UBE2K: variants seen among roughly 807,000 people sequenced by gnomAD.
The protein encoded by UBE2K is ubiquitin conjugating enzyme E2 K.
A neutral mutation model predicts 30.0 loss-of-function variants in UBE2K; 6 were observed. The ratio of observed to expected loss-of-function variants is 0.20; its 90% CI spans 0.11 to 0.39. The LOEUF is 0.39. Ranked by LOEUF, UBE2K falls within the 10% of genes least tolerant of loss-of-function variation. UBE2K has a pLI of 1.00. For synonymous variants in UBE2K, 86 were observed against 83.7 expected (o/e 1.03, Z -0.15); for missense variants, 61 against 241.6 (o/e 0.25, Z 4.96).
At chr4:39,710,476 C>A (rs187756975) in intron 1 of UBE2K, among the ~76,000 whole-genome samples, 2 of 151,848 alleles carry the variant, frequency 1.3e-5, no homozygotes, top group Non-Finnish European at 2.9e-5. Flanking sequence ...ACTATATTGC[C>A]CAAGCTGGTG....
intron 6 of UBE2K, among the ~76,000 whole-genome samples, chr4:39,778,092 T>C: frequency 1.3e-5 from 1 of 79,786 alleles, no homozygotes. Flanking sequence ...AGCAAGACCC[T>C]GTCTCAAAAA....
chr4:39,711,163 C>CTT lies in UBE2K; in HGVS notation c.63+12789_63+12790dup, dbSNP rs34401637. 1.9e-3 allele frequency among the ~76,000 whole-genome samples: 226 copies of CTT among 122,086 alleles called. 5 individuals carry two copies. Among genetic ancestry groups the CTT allele is most frequent in the African/African-American group, 5.1e-3 (161 of 31,812 alleles). The allele number at this position is 122,086 out of a possible 152,430, so 80.1% of individuals were successfully genotyped here. A position where few individuals can be genotyped will look rare whatever the true frequency, so the allele number is the denominator to read the frequency against. The stretch of plus-strand genomic sequence containing the variant: ...TGTATGTCTCTTGGAAACTTTTTCT[C>CTT]TTTTTTTTTTTTTTTTTGAGACGGA... On this transcript the variant is annotated intron_variant, in intron 1 of 6. Transcript: ENST00000261427.
chr4:39,752,850 A>G (rs1326950923), intron 3 of UBE2K, among the ~76,000 whole-genome samples: 2 of 151,832 alleles, frequency 1.3e-5, no homozygotes, highest in African/African-American at 2.4e-5. Context: ...AGATTTTCAG[A>G]TAAGAAATAC....
chr4:39,716,354 C>A (rs431419), intron 1 of UBE2K, among the ~76,000 whole-genome samples: 1 of 152,002 alleles, frequency 6.6e-6, no homozygotes, highest in African/African-American at 2.4e-5. Context: ...CTTAAGTGAT[C>A]CTCCCACCAC....
chr4:39,770,701 G>A (rs536774536), intron 4 of UBE2K: 1 of 1,572,924 alleles, frequency 6.4e-7, no homozygotes, highest in African/African-American at 1.3e-5. Context: ...ACGCTGCTCT[G>A]GGCCAGCTCC....
At position 39,780,020 on chromosome 4, in the gene UBE2K, G is replaced by C. The variant is rs1279422423; in HGVS notation, c.*1586G>C. ...TATATTGTAATGTTAAAGATGTGAA[G>C]GTTCTTCCAAAAATTTGTAAGGCTT... On this transcript the variant is annotated 3_prime_UTR_variant, in exon 7 of 7. Transcript: ENST00000261427. 6.6e-6 allele frequency: 1 copy of C among 152,050 alleles called. No individual in the cohort carries two copies. Among genetic ancestry groups the C allele is most frequent in the East Asian group, 1.9e-4 (1 of 5,204 alleles). The allele number at this position is 152,050 out of a possible 1,614,324, so 9.4% of individuals were successfully genotyped here.
intron 1 of UBE2K, among the ~76,000 whole-genome samples, chr4:39,707,589 A>G (rs1312174593): frequency 6.7e-6 from 1 of 149,814 alleles, no homozygotes; most frequent in Non-Finnish European, 1.5e-5. Context: ...GGGCACAATC[A>G]TAGCTCATTG....
intron 3 of UBE2K, among the ~76,000 whole-genome samples, chr4:39,751,038 G>T (rs1469221685): frequency 6.6e-6 from 1 of 151,474 alleles, no homozygotes; most frequent in Non-Finnish European, 1.5e-5. Flanking sequence ...GAGCCACCAC[G>T]CCTGGCCCCT....
At chr4:39,761,547 TA>T (rs1186880877) in intron 4 of UBE2K, among the ~76,000 whole-genome samples, 1 of 152,222 alleles carries the variant, frequency 6.6e-6, no homozygotes, top group African/African-American at 2.4e-5. Flanking sequence ...AAAATTTATT[TA>T]CCGGACATAG....
chr4:39,704,969 C>G (rs919263255), intron 1 of UBE2K, among the ~76,000 whole-genome samples: 8 of 150,652 alleles, frequency 5.3e-5, no homozygotes, highest in Non-Finnish European at 1.0e-4. Flanking sequence ...CTCCCGGGTT[C>G]AAGCAATTCT....
chr4:39,700,878 A>G (rs911322510), intron 1 of UBE2K, among the ~76,000 whole-genome samples: 5 of 150,634 alleles, frequency 3.3e-5, no homozygotes, highest in Middle Eastern at 6.8e-3. Context: ...AAATACAGCC[A>G]ACAAGATAAA....
intron 5 of UBE2K, among the ~76,000 whole-genome samples, chr4:39,776,491 A>C (rs995111331): frequency 2.0e-5 from 3 of 152,110 alleles, no homozygotes; most frequent in Non-Finnish European, 2.9e-5. Context: ...TTTAGTTTGC[A>C]GAGTTTTTCC....
chr4:39,703,232 G>C (rs767508441), intron 1 of UBE2K, among the ~76,000 whole-genome samples: 1 of 152,074 alleles, frequency 6.6e-6, no homozygotes, highest in African/African-American at 2.4e-5. Context: ...TTAAAAGAGT[G>C]TTTATGGCCA....
In UBE2K at chr4:39,781,183, T is replaced by G. The variant is rs944108800; in HGVS notation, c.*2749T>G. 1 of 152,152 alleles carries G rather than the reference T, an allele frequency of 6.6e-6. No individual in the cohort carries two copies. The highest frequency in any genetic ancestry group is 2.4e-5 in the African/African-American group (1 of 41,468). The allele number at this position is 152,152 out of a possible 1,614,324, so 9.4% of individuals were successfully genotyped here. ...ATATTTGAGGAACTAGGTACTGAAT[T>G]AGGTGCTCTGAGTTGGCACCCCGAA... On this transcript the variant is annotated 3_prime_UTR_variant, in exon 7 of 7. Transcript: ENST00000261427.
At chr4:39,770,561 C>G (rs1387508208) in intron 4 of UBE2K, 3 of 1,589,716 alleles carry the variant, frequency 1.9e-6, no homozygotes, top group African/African-American at 2.7e-5. Context: ...CTGCTTCCAC[C>G]AGGCCCGAGG....
intron 1 of UBE2K, among the ~76,000 whole-genome samples, chr4:39,729,996 T>C (rs1286830100): frequency 6.6e-6 from 1 of 152,370 alleles, no homozygotes; most frequent in African/African-American, 2.4e-5. Flanking sequence ...TAATTAGTTC[T>C]TCAGTACCTT....
intron 1 of UBE2K, among the ~76,000 whole-genome samples, chr4:39,707,134 T>C (rs532273293): frequency 6.6e-6 from 1 of 152,122 alleles, no homozygotes; most frequent in Non-Finnish European, 1.5e-5. Flanking sequence ...GGTCTCACAC[T>C]CCTGACCTCA....
intron 3 of UBE2K, among the ~76,000 whole-genome samples, chr4:39,751,975 TA>T (rs1357211515): frequency 6.6e-6 from 1 of 152,032 alleles, no homozygotes. Flanking sequence ...TCAATAAAAG[TA>T]AAAAAATAAG....
chr4:39,704,229 C>T (rs1280824767), intron 1 of UBE2K, among the ~76,000 whole-genome samples: 1 of 151,906 alleles, frequency 6.6e-6, no homozygotes, highest in Non-Finnish European at 1.5e-5. Context: ...GCACTCCAGC[C>T]TGGGTGACAG....
Sources: allele counts gnomAD v4.1 joint callset (sites outside exome capture counted in the v4.1 genomes callset), GRCh38; gene constraint gnomAD v4.1.1; transcripts MANE v1.5; gene names NCBI Gene and HGNC (gene_info 2026-07-23, HGNC 2026-07-21).